The following CA10 variants were observed in gnomAD, a reference collection of about 807,000 sequenced individuals.
CA10 encodes the protein carbonic anhydrase 10 (inactive).
A neutral mutation model predicts 44.2 loss-of-function variants in CA10; 14 were observed. That is an observed-to-expected ratio of 0.32 (90% CI 0.21 to 0.50). The LOEUF (loss-of-function observed/expected upper bound fraction) is 0.50, where lower values mean the gene tolerates loss of function less well. CA10 is among the 20% of genes least tolerant of loss of function. The pLI is 0.99. For missense variants in CA10, 350 were observed against 409.7 expected (o/e 0.85, Z 1.26); for synonymous variants, 159 against 141.6 (o/e 1.12, Z -0.87).
chr17:51,912,745 A>T (rs974386614), intron 3 of CA10, among the ~76,000 whole-genome samples: 11 of 152,196 alleles, frequency 7.2e-5, no homozygotes, highest in African/African-American at 2.7e-4. Flanking sequence ...CTGATATCAT[A>T]CCCAAGAGAA....
intron 1 of CA10, among the ~76,000 whole-genome samples, chr17:52,108,194 T>TATATATA (rs1567735876): frequency 0.015 from 877 of 57,692 alleles, 6 homozygotes; most frequent in African/African-American, 0.017. Flanking sequence ...TATATATTTT[T>TATATATA]TATATATATA....
chr17:51,703,688 T>A (rs1915672817), intron 4 of CA10, among the ~76,000 whole-genome samples: 1 of 152,162 alleles, frequency 6.6e-6, no homozygotes, highest in African/African-American at 2.4e-5. Context: ...AGTCGTGAGG[T>A]GGCAAAGGAT....
chr17:51,938,718 G>A (rs981039367), intron 2 of CA10, among the ~76,000 whole-genome samples: 1 of 152,040 alleles, frequency 6.6e-6, no homozygotes, highest in African/African-American at 2.4e-5. Flanking sequence ...CATCACTAAA[G>A]GTAAAGAGAA....
chr17:52,108,484 G>A (rs1275770169), intron 1 of CA10, among the ~76,000 whole-genome samples: 1 of 151,320 alleles, frequency 6.6e-6, no homozygotes, highest in East Asian at 1.9e-4. Context: ...GAATCACGAG[G>A]TCAGGAGTTC....
chr17:52,138,634 G>T (rs554840613), intron 1 of CA10, among the ~76,000 whole-genome samples: 1 of 152,312 alleles, frequency 6.6e-6, no homozygotes, highest in East Asian at 1.9e-4. Flanking sequence ...GGTGAGGTTG[G>T]TAGCAGCAGT....
rs529789451 is a variant in CA10, at chr17:51,869,290, A to G, written c.279+61700T>C. ...AAACCATTTCAAATGGACCAGGAAA[A>G]GACCCCAATGTCATGGAAAGAGTAG... On this transcript the variant is annotated intron_variant, in intron 3 of 8. Transcript: ENST00000451037. Among the ~76,000 whole-genome samples the G allele has an allele frequency of 3.3e-5, 5 of 152,284 alleles. No individual in the cohort carries two copies. In the East Asian group the frequency reaches 9.7e-4, roughly 30 times the overall value.
At chr17:52,138,315 G>C (rs1321641030) in intron 1 of CA10, among the ~76,000 whole-genome samples, 3 of 151,918 alleles carry the variant, frequency 2.0e-5, no homozygotes, top group African/African-American at 7.3e-5. Context: ...GATAATCTAG[G>C]ATAATCTCCC....
chr17:51,996,408 G>T (rs1985237638), intron 2 of CA10, among the ~76,000 whole-genome samples: 1 of 151,938 alleles, frequency 6.6e-6, no homozygotes, highest in South Asian at 2.1e-4. Context: ...TTTGCCACTA[G>T]TATCTTCCTT....
intron 4 of CA10, among the ~76,000 whole-genome samples, chr17:51,658,096 C>T (rs1913862200): frequency 6.6e-6 from 1 of 151,752 alleles, no homozygotes; most frequent in Non-Finnish European, 1.5e-5. Context: ...AGGGAGAATA[C>T]TACCAGTCTT....
At chr17:52,114,220 G>A (rs1988843961) in intron 1 of CA10, among the ~76,000 whole-genome samples, 1 of 152,180 alleles carries the variant, frequency 6.6e-6, no homozygotes, top group Admixed American at 6.5e-5. Flanking sequence ...CTTATATCCA[G>A]ATATGCCACC....
chr17:51,723,130 T>C (rs2106337), intron 4 of CA10, among the ~76,000 whole-genome samples: 99,113 of 152,080 alleles, frequency 0.65, 32,516 homozygotes, highest in Admixed American at 0.73. Flanking sequence ...CTGCTTCCCA[T>C]GTGTGGGACT....
At chr17:52,107,511 A>G (rs569233174) in intron 1 of CA10, among the ~76,000 whole-genome samples, 42 of 152,316 alleles carry the variant, frequency 2.8e-4, no homozygotes, top group African/African-American at 9.9e-4. Flanking sequence ...TATTGTCTCC[A>G]CATGAACAGT....
At chr17:51,858,247 A>T (rs1399161462) in intron 3 of CA10, among the ~76,000 whole-genome samples, 2 of 152,190 alleles carry the variant, frequency 1.3e-5, no homozygotes, top group African/African-American at 4.8e-5. Flanking sequence ...AGTGAGCAAG[A>T]GTGAAGGGAC....
intron 3 of CA10, among the ~76,000 whole-genome samples, chr17:51,871,125 C>G (rs1478775998): frequency 7.8e-6 from 1 of 127,418 alleles, no homozygotes; most frequent in African/African-American, 2.9e-5. Flanking sequence ...GTGGCATGAT[C>G]TTGGCTCACT....
intron 3 of CA10, among the ~76,000 whole-genome samples, chr17:51,819,796 C>T (rs1311675972): frequency 6.6e-6 from 1 of 152,180 alleles, no homozygotes; most frequent in Non-Finnish European, 1.5e-5. Flanking sequence ...CCCCTCTCTT[C>T]CTGTTGCCTC....
intron 6 of CA10, among the ~76,000 whole-genome samples, chr17:51,646,967 T>C (rs1418270882): frequency 6.6e-6 from 1 of 152,092 alleles, no homozygotes; most frequent in Non-Finnish European, 1.5e-5. Flanking sequence ...CTAAATCAGC[T>C]ATCTTTCCCC....
intron 3 of CA10, among the ~76,000 whole-genome samples, chr17:51,827,023 G>C (rs1186507080): frequency 6.6e-6 from 1 of 152,108 alleles, no homozygotes; most frequent in African/African-American, 2.4e-5. Flanking sequence ...GGACCCTCAT[G>C]ATTCATCTCC....
intron 1 of CA10, among the ~76,000 whole-genome samples, chr17:52,082,778 C>G (rs904381935): frequency 6.6e-6 from 1 of 152,128 alleles, no homozygotes; most frequent in African/African-American, 2.4e-5. Context: ...TGACTTCTGA[C>G]AAATAGGCAA....
At chr17:51,933,123 A>G (rs1322161676) in intron 2 of CA10, among the ~76,000 whole-genome samples, 2 of 152,120 alleles carry the variant, frequency 1.3e-5, no homozygotes, top group Non-Finnish European at 2.9e-5. Flanking sequence ...GACCTTCTTC[A>G]TGGTTCCTGT....
Sources: gnomAD v4.1 joint callset for allele counts (sites outside exome capture counted in the v4.1 genomes callset) on GRCh38, gnomAD v4.1.1 for gene constraint, MANE v1.5 for transcripts, NCBI Gene and HGNC (gene_info 2026-07-23, HGNC 2026-07-21) for gene names.